Variants in SERPINA11 observed in about 807,000 individuals in gnomAD.
The protein encoded by SERPINA11 is serpin A11.
SERPINA11 carries 28 observed loss-of-function variants against 29.4 expected under a neutral mutation model. The observed-to-expected ratio is 0.95, with a 90% CI of 0.70 to 1.30. SERPINA11 has a LOEUF of 1.30. Ranked by LOEUF, SERPINA11 falls within the 50% of genes most tolerant of loss-of-function variation. The pLI is 0.00. For missense variants in SERPINA11, 530 were observed against 507.3 expected (o/e 1.04, Z -0.43); for synonymous variants, 253 against 206.6 (o/e 1.22, Z -1.92).
intron 2 of SERPINA11, 112 bp downstream of exon 2, chr14:94,448,020 T>C: frequency 1.9e-6 from 2 of 1,059,230 alleles, no homozygotes; most frequent in Non-Finnish European, 2.8e-6. Context: ...AAGCTCTATC[T>C]TATTCATAGA....
Position 94,448,362 on chromosome 14 carries a change from C to A in SERPINA11, c.413G>T (p.Gly138Val), listed in dbSNP as rs1595654527. The A allele has an allele frequency of 6.2e-7, 1 of 1,614,192 alleles. No individual in the cohort carries two copies. The highest frequency in any genetic ancestry group is 8.5e-7 in the Non-Finnish European group (1 of 1,180,038). Reference sequence around the variant, plus strand: ...TCGCTTGTCTAGGAACAGGGAGTTTCCTACTTTTAGTTCGAGTTTGGGGCT... The same window carrying A: ...TCGCTTGTCTAGGAACAGGGAGTTTACTACTTTTAGTTCGAGTTTGGGGCT... Reference protein sequence around the residue: ...LPSPKLELKVGNSLFLDKRLK... With the variant: ...LPSPKLELKVVNSLFLDKRLK... Residue 138 changes from glycine (G) to valine (V), a missense_variant, in exon 2 of 5, where the codon GGA becomes GTA. Coordinates refer to ENST00000334708, the MANE Select transcript of SERPINA11 (RefSeq NM_001080451.2).
At chr14:94,450,294 G>A (rs114068180) in intron 1 of SERPINA11, among the ~76,000 whole-genome samples, 1,587 of 152,244 alleles carry the variant, frequency 0.01, 19 homozygotes, top group African/African-American at 0.034. Context: ...TTTGGAAATA[G>A]GGTCATTGGA....
chr14:94,448,867 GTGCCCCACAGGGC>G (rs1311141478), intron 1 of SERPINA11, 90 bp from the exon 2 acceptor site: 34 of 1,259,604 alleles, frequency 2.7e-5, no homozygotes, highest in Non-Finnish European at 3.4e-5. Flanking sequence ...CCTTCACAAT[GTGCCCCACAGGGC>G]TGCCATGAGG....
At chr14:94,449,398 T>TTCTC (rs1162170902) in intron 1 of SERPINA11, among the ~76,000 whole-genome samples, 1 of 25,992 alleles carries the variant, frequency 3.8e-5, no homozygotes, top group African/African-American at 1.3e-4. Context: ...CCCTCTTTCT[T>TTCTC]TCTTTCTATT....
intron 3 of SERPINA11, 21 bp downstream of exon 3, chr14:94,446,310 T>A (rs746799410): frequency 6.2e-7 from 1 of 1,603,124 alleles, no homozygotes; most frequent in African/African-American, 1.3e-5. Flanking sequence ...TCAGCCAGCA[T>A]CCTTCTGCTG....
chr14:94,449,372 A>T (rs1007651427), intron 1 of SERPINA11, among the ~76,000 whole-genome samples: 1 of 142,226 alleles, frequency 7.0e-6, no homozygotes, highest in African/African-American at 2.7e-5. Context: ...AACAACTTCC[A>T]TAGTCTAGCC....
At chr14:94,443,460 A>T (rs1474186803) in intron 3 of SERPINA11, among the ~76,000 whole-genome samples, 1 of 152,228 alleles carries the variant, frequency 6.6e-6, no homozygotes, top group Non-Finnish European at 1.5e-5. Flanking sequence ...CTCCAGGCAC[A>T]GCTACCTGTC....
rs147649377 is a variant in SERPINA11, at chr14:94,448,547, C to A, written c.228G>T (p.Ser76=). 4.3e-6 allele frequency: 7 copies of A among 1,613,930 alleles called. No homozygotes were observed. The highest frequency in any genetic ancestry group is 4.5e-5 in the East Asian group (2 of 44,886). Residue 76 remains serine (S), a synonymous_variant, in exon 2 of 5, where the codon TCG becomes TCT. Coordinates refer to ENST00000334708, the MANE Select transcript of SERPINA11 (RefSeq NM_001080451.2). ...CCAGGGTGGTGGAGATGCTCACTGG[C>A]GAGAAGAAGATGTTTCCGGGGGCGT... is the stretch of plus-strand genomic sequence containing the variant. The part of the protein sequence containing the change: ...AADAPGNIFF[S]PVSISTTLAL...
intron 1 of SERPINA11, among the ~76,000 whole-genome samples, chr14:94,452,354 C>A (rs969792523): frequency 6.6e-6 from 1 of 152,084 alleles, no homozygotes; most frequent in African/African-American, 2.4e-5. Context: ...TCCTAAGCAC[C>A]CTTTTCACAG....
chr14:94,442,976 G>A (rs755140856), intron 4 of SERPINA11, 102 bp downstream of exon 4: 8 of 1,420,406 alleles, frequency 5.6e-6, no homozygotes, highest in Non-Finnish European at 7.7e-6. Flanking sequence ...GTCTGCACAG[G>A]ACAAAGAACA....
At chr14:94,444,299 C>A (rs888023880) in intron 3 of SERPINA11, among the ~76,000 whole-genome samples, 4 of 152,090 alleles carry the variant, frequency 2.6e-5, no homozygotes, top group African/African-American at 9.7e-5. Flanking sequence ...GGCAAGCTAA[C>A]CTGCCTCACA....
chr14:94,450,032 C>T (rs1390248229), intron 1 of SERPINA11, among the ~76,000 whole-genome samples: 4 of 152,034 alleles, frequency 2.6e-5, no homozygotes, highest in African/African-American at 4.8e-5. Context: ...ATGAAGACAG[C>T]CCAGGAGTGG....
At position 94,446,413 on chromosome 14, in the gene SERPINA11, G is replaced by A; in HGVS notation, c.835C>T (p.Pro279Ser). The change falls in exon 3 of 5, where the codon CCT becomes TCT. Residue 279 changes from proline (P) to serine (S), a missense_variant. Transcript: ENST00000334708. ...ACCTGCTTCATTTTCCCCGGGTCAG[G>A]GAGGACCAGCAGCGCCAAGGCATTT... ...RGNALALLVL[P>S]DPGKMKQVEA... The A allele has an allele frequency of 6.2e-7, 1 of 1,614,140 alleles. No individual in the cohort carries two copies. Among genetic ancestry groups the A allele is most frequent in the Non-Finnish European group, 8.5e-7 (1 of 1,180,012 alleles).
intron 1 of SERPINA11, 123 bp from the exon 2 acceptor site, chr14:94,448,900 G>A (rs944618817): frequency 2.4e-6 from 2 of 842,968 alleles, no homozygotes; most frequent in Admixed American, 3.1e-5. Flanking sequence ...GGGCACTGAA[G>A]AAGACAAGGC....
intron 1 of SERPINA11, among the ~76,000 whole-genome samples, chr14:94,451,114 A>AT (rs1162372543): frequency 2.0e-5 from 3 of 152,248 alleles, no homozygotes; most frequent in Admixed American, 6.5e-5. Context: ...ACCTTTAATA[A>AT]TTTTTTGCCT....
intron 3 of SERPINA11, among the ~76,000 whole-genome samples, chr14:94,444,267 G>T (rs1271857789): frequency 6.6e-6 from 1 of 152,168 alleles, no homozygotes; most frequent in Non-Finnish European, 1.5e-5. Context: ...CGAATGGTGT[G>T]CCAGGAAGTG....
chr14:94,442,968 C>T, intron 4 of SERPINA11, 110 bp downstream of exon 4: 2 of 1,375,954 alleles, frequency 1.5e-6, no homozygotes, highest in Non-Finnish European at 2.0e-6. Context: ...ATTAAATAGT[C>T]TGCACAGGAC....
chr14:94,442,985 C>A (rs1898371635), intron 4 of SERPINA11, 93 bp downstream of exon 4: 3 of 1,455,938 alleles, frequency 2.1e-6, no homozygotes, highest in Non-Finnish European at 2.8e-6. Context: ...GGACAAAGAA[C>A]AAGGAACTTG....
At position 94,442,769 on chromosome 14, in the gene SERPINA11, G is replaced by T; in HGVS notation, c.1106C>A (p.Thr369Asn). Reference protein sequence around the residue: ...KAMVDMSEKGTEAGAASGLLS... With the variant: ...KAMVDMSEKGNEAGAASGLLS... The stretch of plus-strand genomic sequence containing the variant: ...GAGGCCTGAAGCAGCCCCGGCCTCG[G>T]TCCCCTTCTCACTCATGTCCACCAT... The change falls in exon 5 of 5, where the codon ACC (threonine) becomes AAC (asparagine). Residue 369 changes from threonine (T) to asparagine (N), a missense_variant. Physicochemically the swap from Thr to Asn is moderately conservative, Grantham distance 65. Transcript: ENST00000334708. 1 of 1,612,634 alleles carries T rather than the reference G, an allele frequency of 6.2e-7. No homozygotes were observed. The highest frequency in any genetic ancestry group is 1.1e-5 in the South Asian group (1 of 90,892).
Sources: allele counts gnomAD v4.1 joint callset (sites outside exome capture counted in the v4.1 genomes callset), GRCh38; gene constraint gnomAD v4.1.1; transcripts MANE v1.5; gene names NCBI Gene and HGNC (gene_info 2026-07-23, HGNC 2026-07-21).